The following MORC4 variants were observed in gnomAD, a reference collection of about 807,000 sequenced individuals.
The protein encoded by MORC4 is MORC family CW-type zinc finger protein 4.
A neutral mutation model predicts 65.5 loss-of-function variants in MORC4; 22 were observed. That is an observed-to-expected ratio of 0.34 (90% CI 0.24 to 0.48). MORC4 has a LOEUF of 0.48. MORC4 is among the 20% of genes least tolerant of loss of function. The pLI is 0.99. For missense variants in MORC4, 624 were observed against 703.0 expected, an observed-to-expected ratio of 0.89 and a Z score of 1.27; for synonymous variants, 267 against 255.8, an observed-to-expected ratio of 1.04 and a Z score of -0.42.
intron 5 of MORC4, among the ~76,000 whole-genome samples, chrX:106,984,556 C>T (rs1449869498): frequency 9.9e-6 from 1 of 101,338 alleles, no homozygotes; most frequent in Non-Finnish European, 2.0e-5. Flanking sequence ...GCAACCTCCA[C>T]CTCCTGGGTT....
chrX:106,956,924 T>G lies in MORC4; in HGVS notation c.1454+12A>C. 1.7e-6 allele frequency: 2 copies of G among 1,169,107 alleles called. No individual in the cohort carries two copies. The highest frequency in any genetic ancestry group is 2.3e-6 in the Non-Finnish European group (2 of 859,733). On this transcript the variant is annotated intron_variant, in intron 12 of 16. Coordinates refer to ENST00000355610, the MANE Select transcript of MORC4 (RefSeq NM_024657.5). ...CCCTATGGTAGAGAACCCCATCTCA[T>G]GTATACTCAACTGTTTCTTAGCTTT...
At chrX:106,949,562 T>C (rs1429304776) in intron 14 of MORC4, among the ~76,000 whole-genome samples, 1 of 112,487 alleles carries the variant, frequency 8.9e-6, no homozygotes, top group Non-Finnish European at 1.9e-5. Flanking sequence ...CTTGGTTGTT[T>C]ATTTAGTGAC....
Position 106,981,018 on chromosome X carries a change from G to T in MORC4, c.809C>A (p.Ala270Glu). The change falls in exon 7 of 17, where the codon GCA (alanine) becomes GAA (glutamate). Residue 270 changes from alanine (A) to glutamate (E), a missense_variant and splice_region_variant. Transcript: ENST00000355610. ...ELPETEYSLR[A>E]FCGILYMKPR... ...CTTCATGTATAGAATACCACAAAAT[G>T]CCTACGGAACAGAATGGTGAAGGGA... 8.3e-7 allele frequency: 1 copy of T among 1,209,232 alleles called. No individual in the cohort carries two copies.
chrX:106,951,324 A>G (rs996443703), intron 14 of MORC4, among the ~76,000 whole-genome samples: 5 of 112,282 alleles, frequency 4.5e-5, no homozygotes, highest in African/African-American at 1.6e-4. Flanking sequence ...AAATATCTAA[A>G]TAAATTACAG....
intron 14 of MORC4, among the ~76,000 whole-genome samples, chrX:106,947,575 A>ATATATATATATAATATATATATAT (rs1309941273): frequency 1.1e-5 from 1 of 87,844 alleles, no homozygotes; most frequent in African/African-American, 4.5e-5. Flanking sequence ...TATATATTAT[A>ATATATATATATAATATATATATAT]TATATATATA....
chrX:106,999,931 C>A lies in MORC4; in HGVS notation c.39G>T (p.Ala13=). Residue 13 remains alanine (A), a synonymous_variant, in exon 1 of 17, where the codon GCG becomes GCT. Coordinates refer to ENST00000355610, the MANE Select transcript of MORC4 (RefSeq NM_024657.5). The part of the protein sequence containing the change: ...LYRGAPAGPG[A]PGCGLARPGG... Reference sequence around the variant, plus strand: ...CGGGCCGGGCCAGCCCGCAGCCCGGCGCGCCAGGGCCGGCGGGGGCCCCTC... The same window carrying A: ...CGGGCCGGGCCAGCCCGCAGCCCGGAGCGCCAGGGCCGGCGGGGGCCCCTC... 1.2e-6 allele frequency: 1 copy of A among 868,744 alleles called. No individual in the cohort carries two copies. Among genetic ancestry groups the A allele is most frequent in the South Asian group, 5.4e-5 (1 of 18,565 alleles). 71.6% of individuals were successfully genotyped at this position (868,744 alleles called of 1,213,427 possible). A position where few individuals can be genotyped will look rare whatever the true frequency, so the allele number is the denominator to read the frequency against.
At chrX:106,993,409 T>G (rs1935016309) in intron 2 of MORC4, 47 bp from the exon 3 acceptor site, 5 of 1,155,311 alleles carry the variant, frequency 4.3e-6, no homozygotes, top group African/African-American at 3.6e-5. Context: ...TTTCCAATAT[T>G]GTATCAAAAT....
At chrX:106,975,030 T>C (rs1296260836) in intron 9 of MORC4, among the ~76,000 whole-genome samples, 2 of 111,329 alleles carry the variant, frequency 1.8e-5, no homozygotes, top group Non-Finnish European at 3.8e-5. Flanking sequence ...AAATCTACTG[T>C]CTACAGACTA....
intron 15 of MORC4, 85 bp downstream of exon 15, chrX:106,942,430 A>G: frequency 1.0e-6 from 1 of 956,710 alleles, no homozygotes; most frequent in Non-Finnish European, 1.4e-6. Context: ...TAAAGGCCTC[A>G]GAACATTAAA....
chrX:106,966,815 C>A (rs183139204), intron 9 of MORC4, among the ~76,000 whole-genome samples: 159 of 112,616 alleles, frequency 1.4e-3, no homozygotes, highest in African/African-American at 4.7e-3. Context: ...TCAAACTGGG[C>A]GGAGCTCACC....
At chrX:106,976,530 C>G (rs1934628193) in intron 9 of MORC4, 54 bp downstream of exon 9, 2 of 793,609 alleles carry the variant, frequency 2.5e-6, no homozygotes, top group Non-Finnish European at 3.8e-6. Flanking sequence ...CTTTAGAGAA[C>G]AGAATCATAT....
intron 14 of MORC4, among the ~76,000 whole-genome samples, chrX:106,949,195 T>A (rs747743883): frequency 1.8e-5 from 2 of 111,785 alleles, no homozygotes; most frequent in Non-Finnish European, 3.8e-5. Flanking sequence ...CCCTTTAAAA[T>A]TTTTTTCATA....
intron 9 of MORC4, among the ~76,000 whole-genome samples, chrX:106,976,025 A>G (rs1934615859): frequency 9.0e-6 from 1 of 111,671 alleles, no homozygotes; most frequent in African/African-American, 3.2e-5. Flanking sequence ...CATTTTTTAA[A>G]CAAACTATTC....
At chrX:106,998,812 T>C (rs180687152) in intron 2 of MORC4, among the ~76,000 whole-genome samples, 1 of 112,580 alleles carries the variant, frequency 8.9e-6, no homozygotes, top group Admixed American at 9.4e-5. Context: ...AAGATAACTC[T>C]CATGGCATGG....
intron 14 of MORC4, among the ~76,000 whole-genome samples, chrX:106,947,215 T>C (rs991405619): frequency 8.2e-5 from 9 of 110,270 alleles, no homozygotes; most frequent in African/African-American, 2.3e-4. Flanking sequence ...CTTTGTATGA[T>C]TGTCAATATT....
intron 14 of MORC4, among the ~76,000 whole-genome samples, chrX:106,945,414 T>TTGTG (rs35077497): frequency 0.32 from 26,540 of 82,877 alleles, 3,980 homozygotes; most frequent in Admixed American, 0.38. Flanking sequence ...ACTTACTACT[T>TTGTG]TGTGTGTGTG....
At chrX:106,985,265 GA>G in intron 4 of MORC4, 22 bp from the exon 5 acceptor site, 1 of 1,083,878 alleles carries the variant, frequency 9.2e-7, no homozygotes, top group South Asian at 2.4e-5. Flanking sequence ...TATAGTCAAA[GA>G]AAAAATAATA....
At chrX:106,968,119 G>C (rs931118987) in intron 9 of MORC4, among the ~76,000 whole-genome samples, 3 of 111,977 alleles carry the variant, frequency 2.7e-5, no homozygotes, top group Non-Finnish European at 5.6e-5. Context: ...GTGGATCTCT[G>C]TGCAGAAACC....
chrX:106,978,348 T>A, intron 7 of MORC4, 149 bp from the exon 8 acceptor site: 1 of 467,588 alleles, frequency 2.1e-6, no homozygotes, highest in Non-Finnish European at 3.3e-6. Context: ...GCAATAGCTT[T>A]AAGAATATTC....
Sources: gnomAD v4.1 joint callset for allele counts (sites outside exome capture counted in the v4.1 genomes callset) on GRCh38, gnomAD v4.1.1 for gene constraint, MANE v1.5 for transcripts, NCBI Gene and HGNC (gene_info 2026-07-23, HGNC 2026-07-21) for gene names.